HYCC1: variants seen among roughly 807,000 people sequenced by gnomAD.
The protein encoded by HYCC1 is hyccin.
At chr7:22,998,748 T>C in the HYCC1 span, among the ~76,000 whole-genome samples, 4 of 152,130 alleles carry the variant, frequency 2.6e-5, no homozygotes, top group Non-Finnish European at 4.4e-5. Flanking sequence ...TTTCTTCCCT[T>C]TTCCAGTGCA....
the HYCC1 span, among the ~76,000 whole-genome samples, chr7:22,948,736 T>C: frequency 6.6e-6 from 1 of 152,170 alleles, no homozygotes; most frequent in South Asian, 2.1e-4. Context: ...TAGTGCTTCA[T>C]AGGCTTTTGA....
At chr7:22,994,611 C>T in the HYCC1 span, among the ~76,000 whole-genome samples, 3 of 152,054 alleles carry the variant, frequency 2.0e-5, no homozygotes, top group Non-Finnish European at 4.4e-5. Flanking sequence ...AAATGGGAGC[C>T]CTCATTGTAT....
the HYCC1 span, among the ~76,000 whole-genome samples, chr7:22,961,881 G>A: frequency 2.0e-5 from 3 of 151,860 alleles, no homozygotes; most frequent in Non-Finnish European, 4.4e-5. Flanking sequence ...GCATGTGTGA[G>A]TGTGTGTGTA....
the HYCC1 span, among the ~76,000 whole-genome samples, chr7:23,011,710 T>C: frequency 6.6e-6 from 1 of 152,356 alleles, no homozygotes; most frequent in Middle Eastern, 3.4e-3. Context: ...GTTATTGACT[T>C]TGTCAACTGC....
the HYCC1 span, chr7:22,946,265 T>C: frequency 3.4e-6 from 3 of 873,438 alleles, no homozygotes; most frequent in African/African-American, 5.1e-5. Context: ...AATTAAGCTT[T>C]AGCATAATTT....
chr7:22,970,947 CTG>C, the HYCC1 span, among the ~76,000 whole-genome samples: 40 of 152,256 alleles, frequency 2.6e-4, no homozygotes, highest in Middle Eastern at 3.4e-3. Flanking sequence ...ACAGCTATGT[CTG>C]TATTAAATTT....
At chr7:22,931,255 GA>G in the HYCC1 span, among the ~76,000 whole-genome samples, 29,715 of 103,856 alleles carry the variant, frequency 0.29, 2,970 homozygotes, top group African/African-American at 0.34. Flanking sequence ...CAAAAAAAAA[GA>G]AAAAAAAAAA....
At chr7:22,901,075 C>A in the HYCC1 span, among the ~76,000 whole-genome samples, 1 of 151,136 alleles carries the variant, frequency 6.6e-6, no homozygotes, top group Non-Finnish European at 1.5e-5. Flanking sequence ...CAAAAAGTTA[C>A]CCAGGTGTGG....
At chr7:22,951,474 C>T in the HYCC1 span, among the ~76,000 whole-genome samples, 1 of 151,782 alleles carries the variant, frequency 6.6e-6, no homozygotes, top group African/African-American at 2.4e-5. Context: ...CAATTTTTTA[C>T]ATGAATTATG....
At chr7:22,896,364 G>C in the HYCC1 span, among the ~76,000 whole-genome samples, 1 of 152,190 alleles carries the variant, frequency 6.6e-6, no homozygotes, top group Non-Finnish European at 1.5e-5. Context: ...AGTTATTTCT[G>C]AGCTAATCCT....
chr7:22,976,737 G>A, the HYCC1 span: 3 of 1,613,400 alleles, frequency 1.9e-6, no homozygotes, highest in South Asian at 3.3e-5. Context: ...GAGGTCCACT[G>A]TATACCACTT....
the HYCC1 span, among the ~76,000 whole-genome samples, chr7:22,992,098 A>G: frequency 9.9e-5 from 15 of 151,854 alleles, no homozygotes; most frequent in Middle Eastern, 0.01. Flanking sequence ...AGTTATTTCC[A>G]TTCCTGGCAA....
At chr7:22,945,569 G>T in the HYCC1 span, 1 of 1,557,452 alleles carries the variant, frequency 6.4e-7, no homozygotes, top group Non-Finnish European at 8.9e-7. Context: ...CTAGGTTATG[G>T]GAGAAAAATA....
chr7:22,925,367 G>C, the HYCC1 span, among the ~76,000 whole-genome samples: 1 of 152,102 alleles, frequency 6.6e-6, no homozygotes, highest in Non-Finnish European at 1.5e-5. Flanking sequence ...GAAGGCTCCA[G>C]AAGATCAAGC....
the HYCC1 span, among the ~76,000 whole-genome samples, chr7:22,950,181 T>A: frequency 6.6e-6 from 1 of 152,028 alleles, no homozygotes; most frequent in Non-Finnish European, 1.5e-5. Flanking sequence ...ATTTCCTTAC[T>A]TCACATCTTT....
At chr7:23,005,056 T>C in the HYCC1 span, among the ~76,000 whole-genome samples, 2 of 152,170 alleles carry the variant, frequency 1.3e-5, no homozygotes, top group African/African-American at 4.8e-5. Context: ...CCGCCCGCCT[T>C]GGCCTCCCAA....
chr7:22,900,638 C>A, the HYCC1 span, among the ~76,000 whole-genome samples: 1 of 151,644 alleles, frequency 6.6e-6, no homozygotes, highest in East Asian at 1.9e-4. Flanking sequence ...AGCTAAAAAT[C>A]AAATAGATAA....
the HYCC1 span, among the ~76,000 whole-genome samples, chr7:22,999,580 T>A: frequency 6.6e-6 from 1 of 152,164 alleles, no homozygotes; most frequent in Admixed American, 6.6e-5. Context: ...CCCGTTCATA[T>A]AATTTATCCA....
the HYCC1 span, chr7:22,940,088 C>G: frequency 1.3e-5 from 2 of 152,092 alleles, no homozygotes; most frequent in Non-Finnish European, 2.9e-5. Flanking sequence ...AAAATCACCA[C>G]TCTGGTTCTC....
Sources: gnomAD v4.1 joint callset for allele counts (sites outside exome capture counted in the v4.1 genomes callset) on GRCh38, gnomAD v4.1.1 for gene constraint, MANE v1.5 for transcripts, NCBI Gene and HGNC (gene_info 2026-07-23, HGNC 2026-07-21) for gene names.